The following KAT7 variants were observed in gnomAD, a reference collection of about 807,000 sequenced individuals.
The protein encoded by KAT7 is lysine acetyltransferase 7.
KAT7 carries 10 observed loss-of-function variants against 82.1 expected under a neutral mutation model. The ratio of observed to expected loss-of-function variants is 0.12; its 90% confidence interval spans 0.08 to 0.21. The LOEUF is 0.21. Ranked by LOEUF, KAT7 falls within the 10% of genes least tolerant of loss-of-function variation. The pLI is 1.00. For missense variants in KAT7, 378 were observed against 760.9 expected (o/e 0.50, Z 5.92); for synonymous variants, 250 against 262.5 (o/e 0.95, Z 0.46).
At chr17:49,823,340 T>G in intron 12 of KAT7, 45 bp downstream of exon 12, 1 of 1,019,034 alleles carries the variant, frequency 9.8e-7, no homozygotes, top group Non-Finnish European at 1.6e-6. Flanking sequence ...GCAGGGACCA[T>G]GTGAATATTG....
chr17:49,790,493 G>A (rs1215378358), intron 1 of KAT7, among the ~76,000 whole-genome samples: 1 of 152,202 alleles, frequency 6.6e-6, no homozygotes, highest in Non-Finnish European at 1.5e-5. Flanking sequence ...CACCACGCCC[G>A]GCCGGTGGTA....
chr17:49,808,764 T>G (rs1312129664), intron 5 of KAT7, among the ~76,000 whole-genome samples: 1 of 152,192 alleles, frequency 6.6e-6, no homozygotes, highest in Non-Finnish European at 1.5e-5. Context: ...AACCCAGGTT[T>G]TCTAATGTTT....
intron 5 of KAT7, 90 bp downstream of exon 5, chr17:49,805,535 A>G (rs1461569976): frequency 3.7e-6 from 3 of 807,304 alleles, no homozygotes; most frequent in Non-Finnish European, 6.2e-6. Context: ...ACAGTGGCCA[A>G]CAAGATGGGT....
At chr17:49,802,808 C>T (rs1243575130) in intron 4 of KAT7, among the ~76,000 whole-genome samples, 2 of 152,268 alleles carry the variant, frequency 1.3e-5, no homozygotes, top group Admixed American at 6.5e-5. Context: ...TCACTGCAGC[C>T]TTGACTTCCT....
At chr17:49,820,354 G>C (rs2074287140) in intron 9 of KAT7, among the ~76,000 whole-genome samples, 1 of 151,150 alleles carries the variant, frequency 6.6e-6, no homozygotes, top group African/African-American at 2.4e-5. Flanking sequence ...GTGGTGCAAT[G>C]TCGGCTCACT....
At chr17:49,791,251 C>G (rs184525023) in intron 1 of KAT7, among the ~76,000 whole-genome samples, 1 of 152,228 alleles carries the variant, frequency 6.6e-6, no homozygotes, top group African/African-American at 2.4e-5. Context: ...AAAAGCTACT[C>G]TAAGTTAAAT....
rs774947790 is a variant in KAT7, at chr17:49,821,573, G to A, written c.1246-77G>A. On this transcript the variant is annotated intron_variant, in intron 10 of 14. Transcript: ENST00000259021. ...ACAATGTGTTTCATTAATAATTATG[G>A]TATGTTTGTGAATTTTAGGCCTTTA... is the stretch of plus-strand genomic sequence containing the variant. The A allele has an allele frequency of 1.1e-4, 176 of 1,542,780 alleles. 4 individuals are homozygous for A. The Middle Eastern group carries it at 1.2e-3, about 10-fold the overall frequency.
At position 49,812,234 on chromosome 17, in the gene KAT7, C is replaced by CTTT. The variant is rs35069050; in HGVS notation, c.852+678_852+680dup. ...GAATTCTGTGTTTTCGCTTAAAAATCTTTTTTTTTTTTTTTTTTTTGAGAC... is the reference window on the plus strand; with the variant it reads ...GAATTCTGTGTTTTCGCTTAAAAATCTTTTTTTTTTTTTTTTTTTTTTTGAGAC... On this transcript the variant is annotated intron_variant, in intron 7 of 14. Coordinates refer to ENST00000259021, the MANE Select transcript of KAT7 (RefSeq NM_007067.5). 1.9e-3 allele frequency among the ~76,000 whole-genome samples: 223 copies of CTTT among 119,076 alleles called. 2 individuals carry two copies. The highest frequency in any genetic ancestry group is 4.7e-3 in the Middle Eastern group (1 of 212). The allele number at this position is 119,076 out of a possible 152,430, so 78.1% of individuals were successfully genotyped here. A position where few individuals can be genotyped will look rare whatever the true frequency, so the allele number is the denominator to read the frequency against.
Position 49,827,432 on chromosome 17 carries a change from C to A in KAT7, c.1766C>A (p.Ala589Asp), listed in dbSNP as rs773955768. The part of the protein sequence containing the change: ...DLIDEWIAKE[A>D]KRSNSNKTMD... ...ATTGATGAGTGGATAGCCAAAGAGG[C>A]CAAAAGGTCCAACTCCAATAAAACC... Residue 589 changes from alanine to aspartate, a missense_variant, in exon 15 of 15, where the codon GCC becomes GAC. By Grantham distance (126) the Ala-to-Asp change is moderately radical (BLOSUM62 -2). Around this residue, in one of 6 missense-constraint regions of KAT7, gnomAD observed 44 missense variants for 102.2 expected, o/e 0.43. Transcript: ENST00000259021. 1.2e-6 allele frequency: 2 copies of A among 1,613,246 alleles called. No individual in the cohort carries two copies. Among genetic ancestry groups the A allele is most frequent in the Non-Finnish European group, 1.7e-6 (2 of 1,179,394 alleles).
intron 5 of KAT7, among the ~76,000 whole-genome samples, chr17:49,808,453 C>CTTTT (rs528916586): frequency 7.7e-6 from 1 of 130,580 alleles, no homozygotes; most frequent in African/African-American, 2.8e-5. Flanking sequence ...TTCTTTCTTT[C>CTTTT]TTTTTTTTTT....
chr17:49,825,194 T>G (rs2074354365), intron 12 of KAT7, among the ~76,000 whole-genome samples: 1 of 152,316 alleles, frequency 6.6e-6, no homozygotes. Flanking sequence ...TCCATAGTGT[T>G]GTTTTATATA....
rs1276688334 is a variant in KAT7 at position 49,829,169 on chromosome 17, C to T, written c.*1667C>T. 1 of 152,304 alleles carries T rather than the reference C, an allele frequency of 6.6e-6. No individual in the cohort carries two copies. The highest frequency in any genetic ancestry group is 1.5e-5 in the Non-Finnish European group (1 of 68,034). 9.4% of individuals were successfully genotyped at this position (152,304 alleles called of 1,614,324 possible). On this transcript the variant is annotated 3_prime_UTR_variant, in exon 15 of 15. Coordinates refer to ENST00000259021, the MANE Select transcript of KAT7 (RefSeq NM_007067.5). ...CGATCTGCTACTAATAGTAAATGCA[C>T]TTGGGATTTGCTTTCCCTAGCAGTA...
intron 12 of KAT7, among the ~76,000 whole-genome samples, chr17:49,824,288 C>A (rs958798417): frequency 6.6e-6 from 1 of 152,110 alleles, no homozygotes; most frequent in African/African-American, 2.4e-5. Flanking sequence ...ATTTGATGTC[C>A]ACTGTCATAG....
rs1486269892 is a variant in KAT7 at position 49,828,668 on chromosome 17, T to G, written c.*1166T>G. 2 of 152,708 alleles carry G rather than the reference T, an allele frequency of 1.3e-5. No individual in the cohort carries two copies. Among genetic ancestry groups the G allele is most frequent in the Admixed American group, 1.3e-4 (2 of 15,284 alleles). 9.5% of individuals were successfully genotyped at this position (152,708 alleles called of 1,614,324 possible). The stretch of plus-strand genomic sequence containing the variant: ...GTCACCATCCTTCTATTCTCTGGTC[T>G]TCTATTTTTGGTGTTGTTCAAGTGA... On this transcript the variant is annotated 3_prime_UTR_variant, in exon 15 of 15. Coordinates refer to ENST00000259021, the MANE Select transcript of KAT7 (RefSeq NM_007067.5).
intron 9 of KAT7, among the ~76,000 whole-genome samples, chr17:49,819,779 T>C (rs772661641): frequency 2.0e-5 from 3 of 152,224 alleles, no homozygotes; most frequent in Non-Finnish European, 1.5e-5. Context: ...ATAATAATTG[T>C]TACATGAGTT....
intron 1 of KAT7, 141 bp downstream of exon 1, chr17:49,788,990 A>G (rs2073846004): frequency 2.8e-6 from 2 of 706,652 alleles, no homozygotes; most frequent in Admixed American, 4.0e-5. Flanking sequence ...TCTTCTGTCC[A>G]TACCCAACAG....
chr17:49,810,282 G>A (rs1164663389), intron 6 of KAT7, among the ~76,000 whole-genome samples: 25 of 152,128 alleles, frequency 1.6e-4, no homozygotes, highest in Non-Finnish European at 1.5e-5. Flanking sequence ...TTTAGACAGA[G>A]TTTCACTCTT....
chr17:49,809,067 T>C, intron 5 of KAT7, 52 bp from the exon 6 acceptor site: 9 of 1,393,534 alleles, frequency 6.5e-6, no homozygotes, highest in Non-Finnish European at 9.2e-6. Flanking sequence ...ATGCTTTAAG[T>C]AAACGTAGTC....
At chr17:49,810,947 C>T (rs574574411) in intron 6 of KAT7, among the ~76,000 whole-genome samples, 1 of 151,928 alleles carries the variant, frequency 6.6e-6, no homozygotes, top group Non-Finnish European at 1.5e-5. Flanking sequence ...TGCAGTGAGC[C>T]GCGATCGTGC....
Sources: allele counts gnomAD v4.1 joint callset (sites outside exome capture counted in the v4.1 genomes callset), GRCh38; gene constraint gnomAD v4.1.1; regional missense constraint gnomAD v4.1.1; transcripts MANE v1.5; gene names NCBI Gene and HGNC (gene_info 2026-07-23, HGNC 2026-07-21).